Variants in RERE observed in about 807,000 individuals in gnomAD.
RERE encodes the protein arginine-glutamic acid dipeptide repeats protein.
A neutral mutation model predicts 146.1 loss-of-function variants in RERE; 40 were observed. The ratio of observed to expected loss-of-function variants is 0.27; its 90% CI spans 0.21 to 0.36. RERE has a LOEUF of 0.36. Ranked by LOEUF, RERE falls within the 10% of genes least tolerant of loss-of-function variation. RERE has a pLI of 1.00. For synonymous variants in RERE, 1,003 were observed against 866.0 expected (o/e 1.16, Z -2.78); for missense variants, 1,933 against 2,138.7 (o/e 0.90, Z 1.90).
intron 12 of RERE, among the ~76,000 whole-genome samples, chr1:8,396,499 C>T (rs1425441161): frequency 6.6e-6 from 1 of 152,150 alleles, no homozygotes; most frequent in African/African-American, 2.4e-5. Context: ...AAAGACTGCT[C>T]AGCTACAAGC....
chr1:8,767,933 T>A (rs1339117827), intron 1 of RERE, among the ~76,000 whole-genome samples: 1 of 151,990 alleles, frequency 6.6e-6, no homozygotes, highest in East Asian at 1.9e-4. Flanking sequence ...ACCACTGTAC[T>A]CCAGCCTGGG....
intron 10 of RERE, among the ~76,000 whole-genome samples, chr1:8,490,648 C>T (rs1374675755): frequency 6.6e-6 from 1 of 150,582 alleles, no homozygotes; most frequent in Non-Finnish European, 1.5e-5. Flanking sequence ...TGAAACACAA[C>T]TGGCTCTCAA....
intron 1 of RERE, among the ~76,000 whole-genome samples, chr1:8,754,231 T>C (rs1373572679): frequency 2.0e-5 from 3 of 152,132 alleles, no homozygotes; most frequent in East Asian, 3.9e-4. Flanking sequence ...TTTCTCCTTT[T>C]TTAATCAGCA....
intron 4 of RERE, among the ~76,000 whole-genome samples, chr1:8,607,530 A>ATATTTTTTTTTTTTTTTTTTTTTT (rs1646732034): frequency 1.7e-5 from 1 of 57,582 alleles, no homozygotes; most frequent in African/African-American, 6.8e-5. Context: ...TTTTATATAT[A>ATATTTTTTTTTTTTTTTTTTTTTT]TTTCTTTTTT....
In RERE at chr1:8,440,118, G is replaced by A. The variant is rs1644226442; in HGVS notation, c.1204-17311C>T. Among the ~76,000 whole-genome samples, 3 of 152,292 alleles carry A rather than the reference G, an allele frequency of 2.0e-5. No individual in the cohort carries two copies. The South Asian group carries it at 6.2e-4, about 32-fold the overall frequency. On this transcript the variant is annotated intron_variant, in intron 11 of 22. Coordinates refer to ENST00000400908, the MANE Select transcript of RERE (RefSeq NM_001042681.2). ...TATCTATGGTGCATGTACCAAGCCA[G>A]TAACATTGTGCCCAACACCAACTCT...
At chr1:8,534,181 A>C (rs1188907809) in intron 7 of RERE, among the ~76,000 whole-genome samples, 2 of 152,250 alleles carry the variant, frequency 1.3e-5, no homozygotes, top group African/African-American at 4.8e-5. Flanking sequence ...AATTAGTTGA[A>C]ATACAGGTGT....
At chr1:8,471,927 T>C (rs1644691937) in intron 10 of RERE, among the ~76,000 whole-genome samples, 2 of 152,192 alleles carry the variant, frequency 1.3e-5, no homozygotes, top group South Asian at 4.1e-4. Flanking sequence ...TTCTTCTGCC[T>C]CAGCATCCAG....
intron 11 of RERE, chr1:8,465,655 C>CT (rs762007912): frequency 1.3e-5 from 7 of 525,190 alleles, no homozygotes; most frequent in African/African-American, 1.2e-4. Flanking sequence ...TTCAAATTAA[C>CT]TTTTTTTAGG....
At chr1:8,796,004 C>A (rs11121235) in intron 1 of RERE, among the ~76,000 whole-genome samples, 64,821 of 129,458 alleles carry the variant, frequency 0.5, 18,064 homozygotes, top group East Asian at 0.9. Context: ...AAAAACAAAA[C>A]AAAACAGGAA....
At chr1:8,742,772 G>A (rs897295734) in intron 1 of RERE, among the ~76,000 whole-genome samples, 1 of 151,824 alleles carries the variant, frequency 6.6e-6, no homozygotes, top group Non-Finnish European at 1.5e-5. Flanking sequence ...AGAGGCTGAG[G>A]TGGGAGGATC....
Position 8,529,288 on chromosome 1 carries a change from T to C in RERE, c.830+11926A>G, listed in dbSNP as rs1369118410. Among the ~76,000 whole-genome samples the C allele has an allele frequency of 4.5e-4, 4 of 8,816 alleles. No individual in the cohort carries two copies. The South Asian group carries it at 0.011, about 24-fold the overall frequency. 5.8% of individuals were successfully genotyped at this position (8,816 alleles called of 152,430 possible). ...CTCCACAACCATCAGTTCTCCCTTC[T>C]TTTTTTTTTTTTTTTTTTTGAGATG... On this transcript the variant is annotated intron_variant, in intron 7 of 22. Transcript: ENST00000400908.
At chr1:8,686,039 T>C (rs966946899) in intron 1 of RERE, among the ~76,000 whole-genome samples, 6 of 151,636 alleles carry the variant, frequency 4.0e-5, no homozygotes, top group Non-Finnish European at 8.8e-5. Context: ...TGGAGAGCAG[T>C]AGCACGATCT....
chr1:8,673,557 C>G (rs1465850099), intron 1 of RERE, among the ~76,000 whole-genome samples: 1 of 152,160 alleles, frequency 6.6e-6, no homozygotes, highest in Non-Finnish European at 1.5e-5. Context: ...GTCTTCAAGT[C>G]TATGTCATGG....
chr1:8,722,899 A>C (rs994626643), intron 1 of RERE, among the ~76,000 whole-genome samples: 4 of 152,194 alleles, frequency 2.6e-5, no homozygotes, highest in African/African-American at 7.2e-5. Flanking sequence ...CTGAGAGAGG[A>C]CTATGTAGTT....
intron 12 of RERE, among the ~76,000 whole-genome samples, chr1:8,412,750 T>C (rs1037852589): frequency 6.6e-6 from 1 of 152,196 alleles, no homozygotes; most frequent in South Asian, 2.1e-4. Flanking sequence ...GAAGGACCAG[T>C]GTGGCAGAGT....
At chr1:8,501,924 C>T (rs1570352041) in intron 8 of RERE, among the ~76,000 whole-genome samples, 1 of 89,722 alleles carries the variant, frequency 1.1e-5, no homozygotes, top group African/African-American at 4.3e-5. Flanking sequence ...CCGCCCCGTC[C>T]GGGAGGGAGG....
chr1:8,809,169 G>C (rs1641747534), intron 1 of RERE, among the ~76,000 whole-genome samples: 1 of 146,204 alleles, frequency 6.8e-6, no homozygotes. Context: ...AAGTACTGAG[G>C]GAGAGGTTAA....
intron 7 of RERE, among the ~76,000 whole-genome samples, chr1:8,531,106 T>C (rs1033312519): frequency 8.7e-5 from 13 of 149,958 alleles, no homozygotes; most frequent in South Asian, 2.1e-4. Flanking sequence ...TCTATCTATC[T>C]GTCCATCCAT....
At chr1:8,427,869 G>A (rs1002548772) in intron 11 of RERE, among the ~76,000 whole-genome samples, 4 of 152,150 alleles carry the variant, frequency 2.6e-5, no homozygotes, top group South Asian at 2.1e-4. Flanking sequence ...CTTCTGTTGC[G>A]GCTGTCTCCT....
Sources: allele counts gnomAD v4.1 joint callset (sites outside exome capture counted in the v4.1 genomes callset), GRCh38; gene constraint gnomAD v4.1.1; transcripts MANE v1.5; gene names NCBI Gene and HGNC (gene_info 2026-07-23, HGNC 2026-07-21).